ASPRV1: variants seen among roughly 807,000 people sequenced by gnomAD.
ASPRV1 encodes the protein aspartic peptidase retroviral like 1.
A neutral mutation model predicts 11.0 loss-of-function variants in ASPRV1; 7 were observed. The ratio of observed to expected loss-of-function variants is 0.64; its 90% CI spans 0.36 to 1.20. The LOEUF is 1.20. Ranked by LOEUF, ASPRV1 falls within the 50% of genes most tolerant of loss-of-function variation. The pLI, the probability that ASPRV1 is intolerant of heterozygous loss-of-function variation, is 0.02. For synonymous variants in ASPRV1, 136 were observed against 138.4 expected (o/e 0.98, Z 0.12); for missense variants, 299 against 320.0 (o/e 0.93, Z 0.50).
the ASPRV1 span, among the ~76,000 whole-genome samples, chr2:70,042,289 T>A: frequency 6.6e-6 from 1 of 152,148 alleles, no homozygotes; most frequent in Non-Finnish European, 1.5e-5. Context: ...CAGACTAGCA[T>A]GGCATCTAAT....
the ASPRV1 span, chr2:70,055,866 TGAG>T: frequency 6.6e-6 from 1 of 151,720 alleles, no homozygotes; most frequent in Non-Finnish European, 1.5e-5. Context: ...TCGCTTGAGG[TGAG>T]GAGTTCAAGA....
At chr2:70,016,039 C>T in the ASPRV1 span, 1 of 152,176 alleles carries the variant, frequency 6.6e-6, no homozygotes, top group African/African-American at 2.4e-5. Context: ...AAACATCAAA[C>T]TTGAACTACA....
the ASPRV1 span, chr2:69,938,124 C>T: frequency 2.5e-5 from 40 of 1,614,184 alleles, no homozygotes; most frequent in Admixed American, 6.7e-5. Flanking sequence ...GTGGAGAGCA[C>T]GGACTATCTC....
chr2:70,059,234 T>C, the ASPRV1 span, among the ~76,000 whole-genome samples: 2 of 150,672 alleles, frequency 1.3e-5, no homozygotes, highest in Non-Finnish European at 3.0e-5. Flanking sequence ...CTTCAGTGTC[T>C]CTCAGTCTGC....
chr2:70,039,710 G>C, the ASPRV1 span, among the ~76,000 whole-genome samples: 2 of 152,186 alleles, frequency 1.3e-5, no homozygotes, highest in South Asian at 2.1e-4. Flanking sequence ...GGTGGCCTTA[G>C]TCAACTCTCA....
the ASPRV1 span, chr2:70,077,499 C>A: frequency 6.6e-6 from 1 of 152,038 alleles, no homozygotes; most frequent in Admixed American, 6.6e-5. Context: ...GAAAAAAAAC[C>A]ATACACTTAT....
chr2:70,045,399 C>T, the ASPRV1 span: 52 of 152,322 alleles, frequency 3.4e-4, no homozygotes, highest in African/African-American at 1.2e-3. Context: ...GCATCTAATA[C>T]ATGCCTGGCT....
the ASPRV1 span, among the ~76,000 whole-genome samples, chr2:70,051,799 C>A: frequency 7.3e-5 from 11 of 151,420 alleles, no homozygotes; most frequent in Non-Finnish European, 1.2e-4. Context: ...CACATTGAGA[C>A]CCCATCTTTA....
At chr2:69,999,507 C>T in the ASPRV1 span, among the ~76,000 whole-genome samples, 2 of 151,652 alleles carry the variant, frequency 1.3e-5, no homozygotes, top group Non-Finnish European at 2.9e-5. Flanking sequence ...AATACAAAAA[C>T]TAGCCGGTGT....
the ASPRV1 span, among the ~76,000 whole-genome samples, chr2:70,042,484 G>A: frequency 2.6e-5 from 4 of 152,180 alleles, no homozygotes; most frequent in South Asian, 8.3e-4. Context: ...TCCTGGACAG[G>A]GTTAGGAAGT....
the ASPRV1 span, chr2:70,054,156 C>A: frequency 6.7e-6 from 1 of 150,350 alleles, no homozygotes; most frequent in South Asian, 2.1e-4. Flanking sequence ...AATGGTGAAA[C>A]CCCGTCTCTA....
At chr2:70,067,140 T>C in the ASPRV1 span, among the ~76,000 whole-genome samples, 1 of 152,080 alleles carries the variant, frequency 6.6e-6, no homozygotes, top group Non-Finnish European at 1.5e-5. Flanking sequence ...TACAGGGCAG[T>C]AGCAATGGAG....
At chr2:70,033,925 C>A in the ASPRV1 span, among the ~76,000 whole-genome samples, 1 of 152,046 alleles carries the variant, frequency 6.6e-6, no homozygotes, top group South Asian at 2.1e-4. Context: ...GAGGCCGAGG[C>A]GGGCAGATCA....
At chr2:69,958,715 CGTT>C (rs766155020), downstream of ASPRV1, among the ~76,000 whole-genome samples, 12 of 152,154 alleles carry the variant, frequency 7.9e-5, no homozygotes, top group Non-Finnish European at 1.3e-4. Flanking sequence ...GAGCAGCATG[CGTT>C]AGGCCACAGA....
At chr2:70,009,578 C>A in the ASPRV1 span, among the ~76,000 whole-genome samples, 1 of 152,160 alleles carries the variant, frequency 6.6e-6, no homozygotes, top group African/African-American at 2.4e-5. Flanking sequence ...GATCCACCCG[C>A]CTCGGCCTCC....
At chr2:70,008,166 T>C in the ASPRV1 span, among the ~76,000 whole-genome samples, 1 of 152,164 alleles carries the variant, frequency 6.6e-6, no homozygotes, top group African/African-American at 2.4e-5. Context: ...TATTCATCTT[T>C]TGAATGAGAT....
chr2:69,992,424 A>C, the ASPRV1 span, among the ~76,000 whole-genome samples: 1 of 152,202 alleles, frequency 6.6e-6, no homozygotes, highest in African/African-American at 2.4e-5. Flanking sequence ...CCAAGGCATC[A>C]GGCAGTGTGA....
Position 69,961,432 on chromosome 2 carries a change from G to A in ASPRV1, c.5C>T (p.Ala2Val). The A allele has an allele frequency of 1.2e-6, 2 of 1,614,054 alleles. No homozygotes were observed. The highest frequency in any genetic ancestry group is 1.7e-6 in the Non-Finnish European group (2 of 1,180,038). Residue 2 changes from alanine (A) to valine (V), a missense_variant, in exon 1 of 1, where the codon GCC becomes GTC. By Grantham distance (64) the Ala-to-Val change is moderately conservative. Coordinates refer to ENST00000320256, the MANE Select transcript of ASPRV1 (RefSeq NM_152792.4). MAGSGARSEEGR... is the reference protein window; with the variant it reads MVGSGARSEEGR... ...TTCCTCACTCCTGGCTCCGCTCCCG[G>A]CCATCCTGCTGCTCTCCTCTGGAAC...
the ASPRV1 span, chr2:69,940,140 A>G: frequency 4.1e-5 from 6 of 148,140 alleles, no homozygotes; most frequent in African/African-American, 1.5e-4. Context: ...GGCAGGTGAC[A>G]CAAAGGATTT....
Sources: allele counts gnomAD v4.1 joint callset (sites outside exome capture counted in the v4.1 genomes callset), GRCh38; gene constraint gnomAD v4.1.1; transcripts MANE v1.5; gene names NCBI Gene and HGNC (gene_info 2026-07-23, HGNC 2026-07-21).